KCNQ1: variants seen among roughly 807,000 people sequenced by gnomAD.
KCNQ1 encodes potassium voltage-gated channel subfamily Q member 1.
A neutral mutation model predicts 72.4 loss-of-function variants in KCNQ1; 49 were observed. That is an observed-to-expected ratio of 0.68 (90% CI 0.54 to 0.86). KCNQ1 has a LOEUF of 0.86. Among genes scored for constraint, KCNQ1 ranks in the 40% least tolerant of loss-of-function variants. KCNQ1 has a pLI of 0.00. For missense variants in KCNQ1, 790 were observed against 945.1 expected (o/e 0.84, Z 2.15); for synonymous variants, 450 against 412.6 (o/e 1.09, Z -1.10).
At chr11:2,648,682 G>T (rs1849705098) in intron 10 of KCNQ1, 1 of 398,450 alleles carries the variant, frequency 2.5e-6, no homozygotes, top group Non-Finnish European at 4.4e-6. Context: ...GACCCGTTTT[G>T]TGTCCTAACA....
chr11:2,588,718 G>GA lies in KCNQ1; in HGVS notation c.1265dup (p.Phe423ValfsTer40), dbSNP rs397508083. On this transcript the variant is annotated frameshift_variant, in exon 10 of 16. Transcript: ENST00000155840. LOFTEE classifies it high-confidence loss of function. The surrounding 1 kb of genome is among the most constrained non-coding windows in gnomAD (Gnocchi z 5.6). ...TGTTGTCTTGTTTTTTTTAGGTAAA[G>GA]AAAAAAAAGTTCAAGCTGGACAAAG... The GA allele has an allele frequency of 2.5e-6, 4 of 1,613,276 alleles. No homozygotes were observed. Among genetic ancestry groups the GA allele is most frequent in the South Asian group, 1.1e-5 (1 of 91,006 alleles).
At chr11:2,461,023 C>G (rs1165059885) in intron 1 of KCNQ1, among the ~76,000 whole-genome samples, 1 of 152,184 alleles carries the variant, frequency 6.6e-6, no homozygotes, top group Non-Finnish European at 1.5e-5. Context: ...ATGGGCCTCA[C>G]TCTCCTGGCC....
Position 2,700,524 on chromosome 11 carries a change from C to T in KCNQ1, c.1514+38443C>T, listed in dbSNP as rs1013745615. Among the ~76,000 whole-genome samples, 5 of 152,108 alleles carry T rather than the reference C, an allele frequency of 3.3e-5. No homozygotes were observed. The South Asian group carries it at 1.0e-3, about 31-fold the overall frequency. On this transcript the variant is annotated intron_variant, in intron 11 of 15. Coordinates refer to ENST00000155840, the MANE Select transcript of KCNQ1 (RefSeq NM_000218.3). ...GACCCTCGAACCCGGGCAAGGTCTC[C>T]ACCGCCGTGGCACCGGGTGCGGGAG... is the stretch of plus-strand genomic sequence containing the variant.
chr11:2,561,799 G>C (rs1333140059), intron 2 of KCNQ1, among the ~76,000 whole-genome samples: 1 of 152,194 alleles, frequency 6.6e-6, no homozygotes, highest in African/African-American at 2.4e-5. Context: ...CTGTGCAGGG[G>C]CCCAGAAGCC....
intron 11 of KCNQ1, chr11:2,700,092 G>A (rs1850773800): frequency 5.0e-6 from 2 of 397,736 alleles, no homozygotes; most frequent in Non-Finnish European, 8.9e-6. Flanking sequence ...GAAGGCTTGC[G>A]GCGGGCTGCT....
At chr11:2,589,072 G>T (rs558175680) in intron 10 of KCNQ1, among the ~76,000 whole-genome samples, 2 of 152,162 alleles carry the variant, frequency 1.3e-5, no homozygotes, top group Non-Finnish European at 2.9e-5. Context: ...CTTCTGTTGC[G>T]AGAGGAAGCC....
chr11:2,518,767 C>T (rs1275305234), intron 1 of KCNQ1, among the ~76,000 whole-genome samples: 1 of 152,150 alleles, frequency 6.6e-6, no homozygotes, highest in East Asian at 1.9e-4. Context: ...GGGCTGGGAT[C>T]CCATGGCTTT....
chr11:2,587,548 C>G, intron 8 of KCNQ1, 22 bp from the exon 9 acceptor site: 4 of 1,613,458 alleles, frequency 2.5e-6, no homozygotes, highest in Non-Finnish European at 3.4e-6. Flanking sequence ...AGGTGACAGC[C>G]TGTCCCCCTG....
In KCNQ1 at chr11:2,712,097, C is replaced by T. The variant is rs1248644477; in HGVS notation, c.1514+50016C>T. On this transcript the variant is annotated intron_variant, in intron 11 of 15. Transcript: ENST00000155840. This position sits in a 1 kb window ranked among gnomAD's most constrained non-coding sequence, Gnocchi z 6.4. ...GCCTCCCAGAGAGCCAGGGAGAGGCCAGGATCCAAGGAGGTAACGGCTTTC... is the reference window on the plus strand; with the variant it reads ...GCCTCCCAGAGAGCCAGGGAGAGGCTAGGATCCAAGGAGGTAACGGCTTTC... Among the ~76,000 whole-genome samples the T allele has an allele frequency of 6.6e-6, 1 of 152,136 alleles. No homozygotes were observed. Among genetic ancestry groups the T allele is most frequent in the African/African-American group, 2.4e-5 (1 of 41,418 alleles).
At chr11:2,455,842 A>C (rs981166875) in intron 1 of KCNQ1, among the ~76,000 whole-genome samples, 7 of 152,206 alleles carry the variant, frequency 4.6e-5, no homozygotes, top group African/African-American at 9.6e-5. Flanking sequence ...GTATTGGTAC[A>C]TAGACATATA....
In KCNQ1 at chr11:2,787,568, A is replaced by C. The variant is rs534843582; in HGVS notation, c.1794+9531A>C. Among the ~76,000 whole-genome samples, 139 of 152,360 alleles carry C rather than the reference A, an allele frequency of 9.1e-4. No homozygotes were observed. Among genetic ancestry groups the C allele is most frequent in the Non-Finnish European group, 1.7e-3 (114 of 68,042 alleles). ...CCACTTTTTTAATTTAAAAGAAATA[A>C]GTAAAATTGATTACAATAATATATT... On this transcript the variant is annotated intron_variant, in intron 15 of 15. Coordinates refer to ENST00000155840, the MANE Select transcript of KCNQ1 (RefSeq NM_000218.3). The surrounding 1 kb of genome is among the most constrained non-coding windows in gnomAD (Gnocchi z 6.3).
chr11:2,458,591 G>T lies in KCNQ1; in HGVS notation c.386+13107G>T, dbSNP rs76615575. On this transcript the variant is annotated intron_variant, in intron 1 of 15. Transcript: ENST00000155840. The surrounding 1 kb of genome is among the most constrained non-coding windows in gnomAD (Gnocchi z 4.6). ...CTCTCCAAAGCAGTAAAGGCCTTCG[G>T]ACAGTGCACAGAAAGTGCTCCCATC... 2.2e-3 allele frequency among the ~76,000 whole-genome samples: 333 copies of T among 150,940 alleles called. 3 individuals are homozygous for T. The highest frequency in any genetic ancestry group is 7.5e-3 in the African/African-American group (307 of 40,944).
Position 2,653,377 on chromosome 11 carries a change from T to G in KCNQ1, c.1394-8584T>G, listed in dbSNP as rs544059306. On this transcript the variant is annotated intron_variant, in intron 10 of 15. Transcript: ENST00000155840. This position sits in a 1 kb window ranked among gnomAD's most constrained non-coding sequence, Gnocchi z 5.3. ...TCACCCCCAACTTTGTCATGCACAT[T>G]CCTGAAGACTCTCTTGGTAACAAAT... is the stretch of plus-strand genomic sequence containing the variant. 5.2e-4 allele frequency: 206 copies of G among 398,734 alleles called. 8 individuals are homozygous for G. The South Asian group carries it at 0.024, about 46-fold the overall frequency. 24.7% of individuals were successfully genotyped at this position (398,734 alleles called of 1,614,324 possible). A position where few individuals can be genotyped will look rare whatever the true frequency, so the allele number is the denominator to read the frequency against.
chr11:2,525,926 G>T (rs1056446569), intron 1 of KCNQ1, among the ~76,000 whole-genome samples: 13 of 152,244 alleles, frequency 8.5e-5, no homozygotes, highest in African/African-American at 1.2e-4. Context: ...CATGGTCTAG[G>T]GGGTGGACAA....
chr11:2,705,144 C>T (rs1257985850), intron 11 of KCNQ1, among the ~76,000 whole-genome samples: 2 of 152,230 alleles, frequency 1.3e-5, no homozygotes, highest in African/African-American at 4.8e-5. Context: ...GCATGGGCTG[C>T]TCGGGGAATG....
At chr11:2,485,517 T>C (rs961361154) in intron 1 of KCNQ1, among the ~76,000 whole-genome samples, 3 of 152,150 alleles carry the variant, frequency 2.0e-5, no homozygotes, top group African/African-American at 7.2e-5. Context: ...TGTAGATCTT[T>C]AATTGCGGTA....
In KCNQ1 at chr11:2,698,470, C is replaced by T. The variant is rs1302872388; in HGVS notation, c.1514+36389C>T. 5 of 398,404 alleles carry T rather than the reference C, an allele frequency of 1.3e-5. No homozygotes were observed. Among genetic ancestry groups the T allele is most frequent in the Non-Finnish European group, 2.2e-5 (5 of 226,054 alleles). The allele number at this position is 398,404 out of a possible 1,614,324, so 24.7% of individuals were successfully genotyped here. On this transcript the variant is annotated intron_variant, in intron 11 of 15. Transcript: ENST00000155840. This position sits in a 1 kb window ranked among gnomAD's most constrained non-coding sequence, Gnocchi z 5.1. ...CCTGCATCTGATCAACTCTCATCTC[C>T]AATATGACCAAGAGACTTCTACCAC...
chr11:2,467,341 C>T (rs959557102), intron 1 of KCNQ1, among the ~76,000 whole-genome samples: 10 of 152,086 alleles, frequency 6.6e-5, no homozygotes, highest in Admixed American at 1.3e-4. Context: ...TCAACGGTGT[C>T]GGCCTCTACC....
chr11:2,813,954 GA>G lies in KCNQ1; in HGVS notation c.1795-33810del, dbSNP rs1236159545. ...GAGATAGATGAATGGATAAAGAGGT[GA>G]AAGGATGAATAGAGAGATGGAGGGA... On this transcript the variant is annotated intron_variant, in intron 15 of 15. Coordinates refer to ENST00000155840, the MANE Select transcript of KCNQ1 (RefSeq NM_000218.3). The surrounding 1 kb of genome is among the most constrained non-coding windows in gnomAD (Gnocchi z 4.4). 6.6e-6 allele frequency among the ~76,000 whole-genome samples: 1 copy of G among 152,080 alleles called. No homozygotes were observed. The highest frequency in any genetic ancestry group is 1.9e-4 in the East Asian group (1 of 5,180).
Sources: gnomAD v4.1 joint callset for allele counts (sites outside exome capture counted in the v4.1 genomes callset) on GRCh38, gnomAD v4.1.1 for gene constraint, Gnocchi (gnomAD v3.1) non-coding constraint, MANE v1.5 for transcripts, NCBI Gene and HGNC (gene_info 2026-07-23, HGNC 2026-07-21) for gene names.